The following CDKL2 variants were observed in gnomAD, a reference collection of about 807,000 sequenced individuals.
The protein encoded by CDKL2 is cyclin-dependent kinase-like 2.
In CDKL2, 64 loss-of-function variants were observed where a neutral mutation model predicts 63.9. The ratio of observed to expected loss-of-function variants is 1.00; its 90% CI spans 0.82 to 1.23. The LOEUF is 1.23. Among genes scored for constraint, CDKL2 ranks in the 50% most tolerant of loss-of-function variants. CDKL2 has a pLI of 0.00. For synonymous variants in CDKL2, 211 were observed against 229.2 expected, an observed-to-expected ratio of 0.92 and a Z score of 0.72; for missense variants, 656 against 668.0, an observed-to-expected ratio of 0.98 and a Z score of 0.20.
intron 8 of CDKL2, 50 bp downstream of exon 8, chr4:75,598,027 T>G: frequency 8.3e-7 from 1 of 1,211,100 alleles, no homozygotes. Context: ...TCTCAAAAAA[T>G]TTAAAAAAAT....
At chr4:75,579,292 T>C (rs1360434690) in intron 13 of CDKL2, 114 bp from the exon 14 acceptor site, 1 of 152,258 alleles carries the variant, frequency 6.6e-6, no homozygotes, top group Non-Finnish European at 1.5e-5. Context: ...TGGTGGGTAC[T>C]ATGTAGTTTA....
chr4:75,600,054 A>T (rs1017767804), intron 7 of CDKL2, among the ~76,000 whole-genome samples: 1 of 152,218 alleles, frequency 6.6e-6, no homozygotes, highest in Admixed American at 6.5e-5. Flanking sequence ...CAGAAAGAAG[A>T]CATAAAATGA....
At chr4:75,606,014 G>A (rs1233612868) in intron 4 of CDKL2, among the ~76,000 whole-genome samples, 1 of 152,064 alleles carries the variant, frequency 6.6e-6, no homozygotes, top group Non-Finnish European at 1.5e-5. Flanking sequence ...AGCCAAAACA[G>A]TTATTATGTA....
intron 3 of CDKL2, among the ~76,000 whole-genome samples, chr4:75,607,569 T>C (rs1729474032): frequency 1.3e-5 from 2 of 152,196 alleles, no homozygotes; most frequent in Non-Finnish European, 2.9e-5. Flanking sequence ...AAACATTGGA[T>C]AAAATATATT....
At chr4:75,601,205 A>T (rs1012243658) in intron 6 of CDKL2, among the ~76,000 whole-genome samples, 3 of 152,202 alleles carry the variant, frequency 2.0e-5, no homozygotes, top group African/African-American at 4.8e-5. Context: ...TTTAAACATC[A>T]ATTAGATATT....
At chr4:75,592,340 C>A in intron 10 of CDKL2, 71 bp from the exon 11 acceptor site, 1 of 1,292,672 alleles carries the variant, frequency 7.7e-7, no homozygotes, top group South Asian at 1.9e-5. Context: ...TCTTCTGTAA[C>A]TCCTATGTTC....
chr4:75,619,577 T>TAAAAAAAAAAAAA (rs71203836), intron 2 of CDKL2, among the ~76,000 whole-genome samples: 1 of 78,160 alleles, frequency 1.3e-5, no homozygotes. Flanking sequence ...CACAGCTGTA[T>TAAAAAAAAAAAAA]AAAAAAAAAA....
chr4:75,611,503 G>T (rs1244612767), intron 3 of CDKL2, among the ~76,000 whole-genome samples: 2 of 145,926 alleles, frequency 1.4e-5, no homozygotes, highest in Non-Finnish European at 3.0e-5. Flanking sequence ...TGGAAAAAAA[G>T]TAGTATGCCA....
At chr4:75,603,768 A>G in intron 6 of CDKL2, 49 bp downstream of exon 6, 1 of 1,042,350 alleles carries the variant, frequency 9.6e-7, no homozygotes, top group Non-Finnish European at 1.4e-6. Flanking sequence ...AAAGGTCTTG[A>G]TAGTGCATAA....
intron 1 of CDKL2, among the ~76,000 whole-genome samples, chr4:75,628,300 A>G (rs1485585053): frequency 1.3e-5 from 2 of 152,074 alleles, no homozygotes; most frequent in African/African-American, 2.4e-5. Flanking sequence ...TATTTTTAGT[A>G]GAGACGGGGT....
intron 13 of CDKL2, among the ~76,000 whole-genome samples, 189 bp downstream of exon 13, chr4:75,581,621 G>A (rs960356852): frequency 1.3e-5 from 2 of 152,308 alleles, no homozygotes; most frequent in Non-Finnish European, 2.9e-5. Context: ...TACGCTCTGC[G>A]AAAAGGGATT....
At position 75,630,114 on chromosome 4, in the gene CDKL2, T is replaced by G. The variant is rs1057077282; in HGVS notation, c.-102A>C. On this transcript the variant is annotated 5_prime_UTR_variant, in exon 1 of 14. The change abolishes an upstream ATG in the 5' untranslated region. Transcript: ENST00000307465. ...GGAAACAAATTTGAGGTGAAATGCA[T>G]ATGGTTCGCAGGTCCAAAAGATGCT... 6.6e-6 allele frequency: 1 copy of G among 152,654 alleles called. No individual in the cohort carries two copies. Among genetic ancestry groups the G allele is most frequent in the African/African-American group, 2.4e-5 (1 of 41,456 alleles). 9.5% of individuals were successfully genotyped at this position (152,654 alleles called of 1,614,324 possible).
At chr4:75,600,757 C>G (rs1729154920) in intron 6 of CDKL2, among the ~76,000 whole-genome samples, 1 of 152,054 alleles carries the variant, frequency 6.6e-6, no homozygotes, top group Non-Finnish European at 1.5e-5. Context: ...CCACACTTGC[C>G]CGCCAATGAA....
intron 12 of CDKL2, among the ~76,000 whole-genome samples, chr4:75,584,267 C>G (rs965716667): frequency 1.3e-5 from 2 of 152,112 alleles, no homozygotes; most frequent in Admixed American, 6.5e-5. Context: ...ACCACTGTTG[C>G]TGGTTTTGAA....
chr4:75,605,910 T>C (rs1000355058), intron 4 of CDKL2, among the ~76,000 whole-genome samples: 5 of 152,144 alleles, frequency 3.3e-5, no homozygotes, highest in Admixed American at 3.3e-4. Context: ...CATGAAATGA[T>C]TTTTCCCTAT....
intron 7 of CDKL2, 114 bp downstream of exon 7, chr4:75,600,167 T>C (rs1729118147): frequency 1.5e-6 from 1 of 660,736 alleles, no homozygotes; most frequent in Non-Finnish European, 2.7e-6. Flanking sequence ...GGTAGATATC[T>C]GAGATCCTGC....
At chr4:75,609,414 G>A (rs927590632) in intron 3 of CDKL2, among the ~76,000 whole-genome samples, 2 of 151,762 alleles carry the variant, frequency 1.3e-5, no homozygotes, top group Admixed American at 6.6e-5. Flanking sequence ...AGACCAGCCT[G>A]GCCAACATGG....
chr4:75,577,621 C>A lies in CDKL2; in HGVS notation c.*1581G>T, dbSNP rs965042370. On this transcript the variant is annotated 3_prime_UTR_variant, in exon 14 of 14. Coordinates refer to ENST00000307465, the MANE Select transcript of CDKL2 (RefSeq NM_001330724.2). ...TAAGTATTACCTGTTTGCCATGCTGCAGAATCTATTGGCAGTGTTTTTCAA... is the reference window on the plus strand; with the variant it reads ...TAAGTATTACCTGTTTGCCATGCTGAAGAATCTATTGGCAGTGTTTTTCAA... 5.3e-5 allele frequency among the ~76,000 whole-genome samples: 8 copies of A among 152,162 alleles called. No homozygotes were observed. Among genetic ancestry groups the A allele is most frequent in the Non-Finnish European group, 1.2e-4 (8 of 68,010 alleles).
At chr4:75,605,670 C>T (rs1729396943) in intron 4 of CDKL2, 36 bp from the exon 5 acceptor site, 1 of 1,391,658 alleles carries the variant, frequency 7.2e-7, no homozygotes, top group African/African-American at 1.4e-5. Flanking sequence ...AATCTGGCAT[C>T]CTAATATGCT....
Sources: gnomAD v4.1 joint callset for allele counts (sites outside exome capture counted in the v4.1 genomes callset) on GRCh38, gnomAD v4.1.1 for gene constraint, MANE v1.5 for transcripts, NCBI Gene and HGNC (gene_info 2026-07-23, HGNC 2026-07-21) for gene names.